Variants in KRT73 observed in about 807,000 individuals in gnomAD.
The protein encoded by KRT73 is keratin, type II cytoskeletal 73.
Under a neutral mutation model 47.2 loss-of-function variants are expected in KRT73, and 44 were observed. The observed-to-expected ratio is 0.93, with a 90% CI of 0.73 to 1.20. The LOEUF (loss-of-function observed/expected upper bound fraction) is 1.20, where lower values mean the gene tolerates loss of function less well. Among genes scored for constraint, KRT73 ranks in the 50% most tolerant of loss-of-function variants. The pLI is 0.00. For synonymous variants in KRT73, 285 were observed against 291.3 expected (o/e 0.98, Z 0.22); for missense variants, 713 against 704.5 (o/e 1.01, Z -0.14).
chr12:52,621,193 G>C (rs1940898663), upstream of KRT73, among the ~76,000 whole-genome samples: 1 of 149,132 alleles, frequency 6.7e-6, no homozygotes, highest in Admixed American at 6.8e-5. Context: ...CAATTACCAA[G>C]TCAGCCCCAC....
At position 52,618,432 on chromosome 12, in the gene KRT73, G is replaced by C. The variant is rs1940856397; in HGVS notation, c.93C>G (p.Ser31=). Residue 31 remains serine, a synonymous_variant, in exon 1 of 9, where the codon TCC becomes TCG. Coordinates refer to ENST00000305748, the MANE Select transcript of KRT73 (RefSeq NM_175068.3). ...TGAGCCCTTTGCCCCCTGCTCGGTA[G>C]GAGGATGAGCTGCCCCCTGAGAGCA... ...SAVLSGGSSS[S]YRAGGKGLSG... The C allele has an allele frequency of 5.6e-6, 9 of 1,614,108 alleles. No individual in the cohort carries two copies. The East Asian group carries it at 2.0e-4, about 36-fold the overall frequency.
At chr12:52,615,399 C>T in intron 2 of KRT73, 60 bp from the exon 3 acceptor site, 1 of 1,375,730 alleles carries the variant, frequency 7.3e-7, no homozygotes, top group East Asian at 2.3e-5. Flanking sequence ...TATACGTTCT[C>T]ATAGTGAAAT....
intron 5 of KRT73, among the ~76,000 whole-genome samples, chr12:52,613,164 T>C (rs139909311): frequency 1.3e-5 from 2 of 152,300 alleles, no homozygotes; most frequent in African/African-American, 4.8e-5. Context: ...CATCTTGATC[T>C]GAGAAACCAA....
At chr12:52,621,295 G>T (rs866147952), upstream of KRT73, among the ~76,000 whole-genome samples, 71 of 138,828 alleles carry the variant, frequency 5.1e-4, 1 homozygote, top group East Asian at 0.014. Flanking sequence ...AAGAAAGGGG[G>T]GGGGGGGGAG....
Position 52,618,331 on chromosome 12 carries a change from C to T in KRT73, c.194G>A (p.Ser65Asn), listed in dbSNP as rs1394401381. ...RSISFNVASG[S>N]GWAGGYGFGR... ...AAATCCATAGCCTCCTGCCCACCCA[C>T]TGCCACTGGCCACATTGAAAGAGAT... Residue 65 changes from serine (S) to asparagine (N), a missense_variant, in exon 1 of 9, where the codon AGT becomes AAT. Transcript: ENST00000305748. 1 of 1,614,212 alleles carries T rather than the reference C, an allele frequency of 6.2e-7. No individual in the cohort carries two copies. The highest frequency in any genetic ancestry group is 1.1e-5 in the South Asian group (1 of 91,074).
chr12:52,616,503 A>ACCT (rs1940817331), intron 1 of KRT73, 123 bp from the exon 2 acceptor site: 1 of 1,219,870 alleles, frequency 8.2e-7, no homozygotes, highest in East Asian at 2.5e-5. Context: ...GCCCTTAAAA[A>ACCT]CTGCCACCCA....
chr12:52,614,112 A>G, intron 4 of KRT73: 1 of 429,348 alleles, frequency 2.3e-6, no homozygotes, highest in Non-Finnish European at 4.1e-6. Context: ...GGGAAGGTGG[A>G]AGACAACAGC....
In KRT73 at chr12:52,611,189, T is replaced by C. The variant is rs1284608728; in HGVS notation, c.1110+15A>G. The C allele has an allele frequency of 1.2e-6, 2 of 1,614,034 alleles. No homozygotes were observed. The highest frequency in any genetic ancestry group is 1.7e-6 in the Non-Finnish European group (2 of 1,179,968). The stretch of plus-strand genomic sequence containing the variant: ...TCCCTTAGGAGTGAGTAAGGAAGGC[T>C]CCAGTCCCCTTCACCTGCTTCTTCA... On this transcript the variant is annotated intron_variant, in intron 6 of 8. Coordinates refer to ENST00000305748, the MANE Select transcript of KRT73 (RefSeq NM_175068.3).
intron 4 of KRT73, 23 bp from the exon 5 acceptor site, chr12:52,613,875 T>C: frequency 3.7e-6 from 6 of 1,608,512 alleles, no homozygotes; most frequent in Non-Finnish European, 5.1e-6. Flanking sequence ...CAAGGAAGCA[T>C]GAAATGCCTT....
Position 52,607,948 on chromosome 12 carries a change from T to C in KRT73, c.*248A>G. 1 of 479,430 alleles carries C rather than the reference T, an allele frequency of 2.1e-6. No homozygotes were observed. Among genetic ancestry groups the C allele is most frequent in the East Asian group, 3.6e-5 (1 of 27,588 alleles). The allele number at this position is 479,430 out of a possible 1,614,324, so 29.7% of individuals were successfully genotyped here. A position where few individuals can be genotyped will look rare whatever the true frequency, so the allele number is the denominator to read the frequency against. ...CAGGCAGAGAAAAGGCCAAGTCTTC[T>C]TCCAGAAGGGGAGGCTGAGTTAAAA... On this transcript the variant is annotated 3_prime_UTR_variant, in exon 9 of 9. Transcript: ENST00000305748.
At chr12:52,616,474 G>A in intron 1 of KRT73, 94 bp from the exon 2 acceptor site, 1 of 1,484,276 alleles carries the variant, frequency 6.7e-7, no homozygotes, top group Non-Finnish European at 9.2e-7. Context: ...TGCTACATTA[G>A]CTTTAAAAAT....
chr12:52,608,041 C>G lies in KRT73; in HGVS notation c.*155G>C. ...AATCCTGATTCAACATTAACAAAGA[C>G]TGAGGCAGAGAGGTCAAGGAGAAGG... On this transcript the variant is annotated 3_prime_UTR_variant, in exon 9 of 9. Coordinates refer to ENST00000305748, the MANE Select transcript of KRT73 (RefSeq NM_175068.3). 1 of 771,868 alleles carries G rather than the reference C, an allele frequency of 1.3e-6. No homozygotes were observed. Among genetic ancestry groups the G allele is most frequent in the African/African-American group, 1.8e-5 (1 of 57,096 alleles). 47.8% of individuals were successfully genotyped at this position (771,868 alleles called of 1,614,324 possible).
rs199859457 is a variant in KRT73, at chr12:52,608,330, C to T, written c.1489G>A (p.Gly497Ser). 1.1e-5 allele frequency: 17 copies of T among 1,613,960 alleles called. No individual in the cohort carries two copies. In the African/African-American group the frequency reaches 1.2e-4, roughly 11 times the overall value. ...VSGGYSMLPG[G>S]CVTGSGNCSP... ...CAGTTCCCACTGCCAGTGACACAGC[C>T]CCCAGGCAGCATGCTGTAGCCCCCG... Residue 497 changes from glycine to serine, a missense_variant, in exon 9 of 9, where the codon GGC (glycine) becomes AGC (serine). Transcript: ENST00000305748.
upstream of KRT73, among the ~76,000 whole-genome samples, chr12:52,619,990 T>C (rs922660852): frequency 3.9e-5 from 6 of 152,174 alleles, no homozygotes; most frequent in African/African-American, 9.7e-5. Flanking sequence ...TTATACAATA[T>C]GGTTGTTTTC....
intron 8 of KRT73, 71 bp from the exon 9 acceptor site, chr12:52,608,523 C>T: frequency 7.4e-7 from 1 of 1,353,560 alleles, no homozygotes; most frequent in Non-Finnish European, 9.9e-7. Flanking sequence ...CCCCCTCCAA[C>T]CTCCCAGCCC....
the KRT73 span, among the ~76,000 whole-genome samples, chr12:52,624,279 C>T: frequency 1.3e-5 from 2 of 151,918 alleles, no homozygotes; most frequent in Non-Finnish European, 2.9e-5. Flanking sequence ...ACTGATGGAA[C>T]TAAAATATTA....
chr12:52,613,646 AG>A, intron 5 of KRT73, 41 bp downstream of exon 5: 2 of 1,608,880 alleles, frequency 1.2e-6, no homozygotes, highest in South Asian at 2.2e-5. Context: ...TCTGGAGCAG[AG>A]GGCCCTGCAT....
At chr12:52,627,491 A>T in the KRT73 span, among the ~76,000 whole-genome samples, 2 of 152,120 alleles carry the variant, frequency 1.3e-5, no homozygotes, top group South Asian at 4.1e-4. Context: ...TTTTGACAAG[A>T]CCTGCCTTCC....
At chr12:52,629,025 G>A in the KRT73 span, among the ~76,000 whole-genome samples, 1 of 152,180 alleles carries the variant, frequency 6.6e-6, no homozygotes, top group Non-Finnish European at 1.5e-5. Context: ...GTCAGGACCA[G>A]CATGTGCAGG....
Sources: allele counts gnomAD v4.1 joint callset (sites outside exome capture counted in the v4.1 genomes callset), GRCh38; gene constraint gnomAD v4.1.1; transcripts MANE v1.5; gene names NCBI Gene and HGNC (gene_info 2026-07-23, HGNC 2026-07-21).